Variants in LSP1 observed in about 807,000 individuals in gnomAD.
LSP1 encodes lymphocyte specific protein 1, also known as lymphocyte-specific protein 1.
LSP1 carries 32 observed loss-of-function variants against 49.3 expected under a neutral mutation model. The observed-to-expected ratio is 0.65, with a 90% CI of 0.49 to 0.87. The LOEUF (loss-of-function observed/expected upper bound fraction) is 0.87, where lower values mean the gene tolerates loss of function less well. LSP1 is among the 40% of genes least tolerant of loss of function. The pLI is 0.00. For synonymous variants in LSP1, 179 were observed against 178.8 expected (o/e 1.00, Z -0.01); for missense variants, 428 against 442.6 (o/e 0.97, Z 0.30).
chr11:1,883,493 G>A lies in LSP1; in HGVS notation c.431G>A (p.Gly144Glu), dbSNP rs752408075. 3.1e-6 allele frequency: 5 copies of A among 1,614,046 alleles called. No individual in the cohort carries two copies. In the Admixed American group the frequency reaches 8.3e-5, roughly 27 times the overall value. ...GAGGAGTTGAGTCTGAGCAAGGAGG[G>A]GCCAGGCCCAGAGGACACTGTCCAG... ...HLEELSLSKE[G>E]PGPEDTVQDN... Residue 144 changes from glycine to glutamate, a missense_variant, in exon 4 of 11, where the codon GGG becomes GAG. Coordinates refer to ENST00000311604, the MANE Select transcript of LSP1 (RefSeq NM_002339.3).
At position 1,855,557 on chromosome 11, in the gene LSP1, T is replaced by G. The variant is rs1847467025; in HGVS notation, c.53+2360T>G. ...ATTCCTCAGAACCACCCCTCCATGA[T>G]GTGGTCTCTCAGATGCCCCCAGGAC... is the stretch of plus-strand genomic sequence containing the variant. On this transcript the variant is annotated intron_variant, in intron 1 of 10. Coordinates refer to ENST00000311604, the MANE Select transcript of LSP1 (RefSeq NM_002339.3). 4.6e-5 allele frequency among the ~76,000 whole-genome samples: 7 copies of G among 152,112 alleles called. No individual in the cohort carries two copies. In the South Asian group the frequency reaches 1.4e-3, roughly 32 times the overall value.
intron 10 of LSP1, among the ~76,000 whole-genome samples, chr11:1,887,872 G>A (rs899264511): frequency 2.6e-5 from 4 of 152,166 alleles, no homozygotes; most frequent in African/African-American, 7.2e-5. Flanking sequence ...AGCAGGGCTC[G>A]TGAGGGAAGT....
intron 1 of LSP1, chr11:1,876,696 C>T (rs1267585529): frequency 1.2e-5 from 11 of 918,156 alleles, no homozygotes; most frequent in East Asian, 1.2e-4. Flanking sequence ...AGGCCCTCAG[C>T]GGGGACTGGG....
intron 1 of LSP1, among the ~76,000 whole-genome samples, chr11:1,858,271 TG>T (rs1847538285): frequency 6.6e-6 from 1 of 152,150 alleles, no homozygotes; most frequent in Non-Finnish European, 1.5e-5. Context: ...AGGAGGGAGC[TG>T]GGCTGGGCTG....
Position 1,889,422 on chromosome 11 carries a change from G to C in LSP1, c.*13+1846G>C, listed in dbSNP as rs1449846643. On this transcript the variant is annotated intron_variant, in intron 10 of 10. Coordinates refer to ENST00000311604, the MANE Select transcript of LSP1 (RefSeq NM_002339.3). ...CCGGGAGGCGGGGGCCCGGGGTGCG[G>C]TGAGGGCGGGCACCTCCTGCTCTGT... 1.6e-5 allele frequency: 11 copies of C among 673,484 alleles called. 1 individual carries two copies. The South Asian group carries it at 1.8e-4, about 11-fold the overall frequency. 41.7% of individuals were successfully genotyped at this position (673,484 alleles called of 1,614,324 possible).
At chr11:1,856,694 C>T (rs933738672) in intron 1 of LSP1, among the ~76,000 whole-genome samples, 1 of 152,236 alleles carries the variant, frequency 6.6e-6, no homozygotes, top group Non-Finnish European at 1.5e-5. Context: ...CCCCCGGCAG[C>T]CCCCTGGAAG....
chr11:1,871,293 C>A (rs1244912564), intron 1 of LSP1: 2 of 986,134 alleles, frequency 2.0e-6, no homozygotes, highest in Non-Finnish European at 2.4e-6. Flanking sequence ...ACGAGCAGGG[C>A]GGGGCCCTAA....
intron 7 of LSP1, among the ~76,000 whole-genome samples, chr11:1,885,060 G>A (rs1848699815): frequency 6.6e-6 from 1 of 151,588 alleles, no homozygotes; most frequent in Non-Finnish European, 1.5e-5. Flanking sequence ...TCCAATCAGT[G>A]CCCCTCCATC....
chr11:1,885,472 A>G (rs552908906), intron 7 of LSP1, among the ~76,000 whole-genome samples: 4 of 151,236 alleles, frequency 2.6e-5, no homozygotes, highest in African/African-American at 9.7e-5. Flanking sequence ...GCCAACCAAA[A>G]CAACTTCATC....
intron 1 of LSP1, among the ~76,000 whole-genome samples, chr11:1,857,090 G>C (rs1461273721): frequency 6.6e-6 from 1 of 152,194 alleles, no homozygotes; most frequent in Non-Finnish European, 1.5e-5. Context: ...GAGGCATCTG[G>C]AAGTTTCCCA....
At position 1,892,248 on chromosome 11, in the gene LSP1, T is replaced by C; in HGVS notation, c.*489T>C. ...ACCCCGCCATTTTGTATAATAAAGC[T>C]CCCTGTGTATTCTCATGTGCTGGCT... On this transcript the variant is annotated 3_prime_UTR_variant, in exon 11 of 11. Transcript: ENST00000311604. 6.6e-6 allele frequency: 1 copy of C among 152,266 alleles called. No individual in the cohort carries two copies. The highest frequency in any genetic ancestry group is 1.5e-5 in the Non-Finnish European group (1 of 68,094). 9.4% of individuals were successfully genotyped at this position (152,266 alleles called of 1,614,324 possible).
Position 1,887,554 on chromosome 11 carries a change from G to C in LSP1, c.1011G>C (p.Pro337=), listed in dbSNP as rs368415523. 6 of 1,613,686 alleles carry C rather than the reference G, an allele frequency of 3.7e-6. No individual in the cohort carries two copies. The African/African-American group carries it at 6.7e-5, about 18-fold the overall frequency. Residue 337 remains proline (P), a synonymous_variant, in exon 10 of 11, where the codon CCG becomes CCC. Transcript: ENST00000311604. ...AGAAGGTGCTTGTGGAAGGGGGCCC[G>C]GCTCCCTAGGCGTCCCATCTCGGTG... ...KYEKVLVEGG[P]AP
chr11:1,883,682 C>A, intron 4 of LSP1, 122 bp downstream of exon 4: 2 of 1,258,834 alleles, frequency 1.6e-6, no homozygotes, highest in Non-Finnish European at 2.2e-6. Context: ...CACCCCACAC[C>A]CCTAGACCTT....
intron 1 of LSP1, chr11:1,866,962 G>A: frequency 6.9e-7 from 1 of 1,447,858 alleles, no homozygotes; most frequent in African/African-American, 1.4e-5. Flanking sequence ...CCCAGGCTCG[G>A]GGCCAGTCCC....
chr11:1,875,290 C>T (rs1405204491), intron 1 of LSP1, among the ~76,000 whole-genome samples: 1 of 152,218 alleles, frequency 6.6e-6, no homozygotes, highest in Non-Finnish European at 1.5e-5. Flanking sequence ...CTGCCTCCTC[C>T]AGGGAGCCTT....
chr11:1,884,065 C>A lies in LSP1; in HGVS notation c.591+41C>A. ...AAGCCTGCCATCTTCTCCCCTCTCC[C>A]GTACTCATACCCAAAAGGCCAATCC... On this transcript the variant is annotated intron_variant, in intron 5 of 10. Coordinates refer to ENST00000311604, the MANE Select transcript of LSP1 (RefSeq NM_002339.3). This position sits in a 1 kb window ranked among gnomAD's most constrained non-coding sequence, Gnocchi z 4.1. 6.4e-7 allele frequency: 1 copy of A among 1,568,994 alleles called. No individual in the cohort carries two copies. Among genetic ancestry groups the A allele is most frequent in the Non-Finnish European group, 8.7e-7 (1 of 1,150,554 alleles).
intron 1 of LSP1, chr11:1,869,313 G>A (rs963766424): frequency 7.0e-6 from 2 of 287,658 alleles, no homozygotes; most frequent in South Asian, 6.4e-5. Flanking sequence ...GTCTCTTGAC[G>A]AGAACAAACC....
At chr11:1,865,758 C>A (rs1162627401) in intron 1 of LSP1, among the ~76,000 whole-genome samples, 2 of 151,674 alleles carry the variant, frequency 1.3e-5, no homozygotes, top group African/African-American at 4.8e-5. Flanking sequence ...AATGAAGGGC[C>A]CATCCTCTGG....
intron 7 of LSP1, among the ~76,000 whole-genome samples, chr11:1,885,402 C>A (rs1848713910): frequency 6.6e-6 from 1 of 151,940 alleles, no homozygotes. Flanking sequence ...ACCAATACAC[C>A]TTCATCCAAT....
Sources: allele counts gnomAD v4.1 joint callset (sites outside exome capture counted in the v4.1 genomes callset), GRCh38; gene constraint gnomAD v4.1.1; non-coding constraint Gnocchi (gnomAD v3.1); transcripts MANE v1.5; gene names NCBI Gene and HGNC (gene_info 2026-07-23, HGNC 2026-07-21).